Variants in ALPK3 observed in about 807,000 individuals in gnomAD.
ALPK3 encodes alpha-protein kinase 3.
In ALPK3, 102 loss-of-function variants were observed where a neutral mutation model predicts 140.0. That is an observed-to-expected ratio of 0.73 (90% CI 0.62 to 0.86). The LOEUF (loss-of-function observed/expected upper bound fraction) is 0.86, where lower values mean the gene tolerates loss of function less well. Ranked by LOEUF, ALPK3 falls within the 40% of genes least tolerant of loss-of-function variation. ALPK3 has a pLI of 0.00. For synonymous variants in ALPK3, 938 were observed against 898.5 expected, an observed-to-expected ratio of 1.04 and a Z score of -0.79; for missense variants, 2,254 against 2,208.2, an observed-to-expected ratio of 1.02 and a Z score of -0.42.
intron 5 of ALPK3, among the ~76,000 whole-genome samples, chr15:84,847,916 G>C (rs1219423004): frequency 2.6e-5 from 4 of 152,020 alleles, no homozygotes; most frequent in African/African-American, 9.7e-5. Flanking sequence ...AAAAAAATTA[G>C]CCAGGGGTGG....
intron 2 of ALPK3, among the ~76,000 whole-genome samples, chr15:84,824,448 G>A (rs1963462611): frequency 6.6e-6 from 1 of 152,240 alleles, no homozygotes; most frequent in South Asian, 2.1e-4. Context: ...GTTTTGGGGA[G>A]AGCTAGCTAC....
rs1376042277 is a variant in ALPK3 at position 84,869,378 on chromosome 15, T to A, written c.*922T>A. On this transcript the variant is annotated 3_prime_UTR_variant, in exon 14 of 14. Coordinates refer to ENST00000258888, the MANE Select transcript of ALPK3 (RefSeq NM_020778.5). ...GTCAGCAGCTGTAGCCAGAGAGAGGTGTTGACTCTGAGAGACCTTGCACTC... is the reference window on the plus strand; with the variant it reads ...GTCAGCAGCTGTAGCCAGAGAGAGGAGTTGACTCTGAGAGACCTTGCACTC... 4 of 152,094 alleles carry A rather than the reference T, an allele frequency of 2.6e-5. No homozygotes were observed. The highest frequency in any genetic ancestry group is 4.4e-5 in the Non-Finnish European group (3 of 68,040). The allele number at this position is 152,094 out of a possible 1,614,324, so 9.4% of individuals were successfully genotyped here.
At chr15:84,844,522 A>C (rs1963706633) in intron 5 of ALPK3, among the ~76,000 whole-genome samples, 1 of 152,222 alleles carries the variant, frequency 6.6e-6, no homozygotes, top group Non-Finnish European at 1.5e-5. Flanking sequence ...AGGAGATAAG[A>C]AGACAAGATT....
Position 84,840,847 on chromosome 15 carries a change from A to C in ALPK3, c.1568A>C (p.Gln523Pro). Residue 523 changes from glutamine (Q) to proline (P), a missense_variant, in exon 5 of 14, where the codon CAG (glutamine) becomes CCG (proline). Transcript: ENST00000258888. ...LGKAPPQASV[Q>P]VPTPPARRRH... ...AAGGCCCCACCTCAGGCCTCTGTGC[A>C]GGTGCCGACGCCCCCTGCCCGGCGG... 1 of 1,614,168 alleles carries C rather than the reference A, an allele frequency of 6.2e-7. No homozygotes were observed.
At chr15:84,835,942 G>C (rs916883200) in intron 3 of ALPK3, among the ~76,000 whole-genome samples, 4 of 152,234 alleles carry the variant, frequency 2.6e-5, no homozygotes, top group East Asian at 1.9e-4. Context: ...ATAAGTCCCT[G>C]CTGTCATGGA....
chr15:84,867,513 G>A, intron 13 of ALPK3, 148 bp downstream of exon 13: 1 of 869,354 alleles, frequency 1.2e-6, no homozygotes, highest in East Asian at 2.6e-5. Flanking sequence ...AACATCCTAG[G>A]GGCTACTGGT....
intron 5 of ALPK3, among the ~76,000 whole-genome samples, chr15:84,848,487 C>T (rs998259291): frequency 1.4e-4 from 21 of 150,938 alleles, no homozygotes; most frequent in African/African-American, 1.7e-4. Flanking sequence ...AATCACACTA[C>T]GTAAGTTAAA....
At chr15:84,832,985 C>A (rs753190444) in intron 3 of ALPK3, among the ~76,000 whole-genome samples, 2 of 152,178 alleles carry the variant, frequency 1.3e-5, no homozygotes, top group Non-Finnish European at 2.9e-5. Flanking sequence ...TTATCAAATA[C>A]TCCCAGTGTC....
In ALPK3 at chr15:84,869,003, A is replaced by G. The variant is rs1439602076; in HGVS notation, c.*547A>G. 2 of 158,798 alleles carry G rather than the reference A, an allele frequency of 1.3e-5. No individual in the cohort carries two copies. Among genetic ancestry groups the G allele is most frequent in the Non-Finnish European group, 2.8e-5 (2 of 71,436 alleles). 9.8% of individuals were successfully genotyped at this position (158,798 alleles called of 1,614,324 possible). On this transcript the variant is annotated 3_prime_UTR_variant, in exon 14 of 14. Coordinates refer to ENST00000258888, the MANE Select transcript of ALPK3 (RefSeq NM_020778.5). ...GCTCACTGATCTCAGCTTATCCTGC[A>G]ACTAACCATCCTTGAGCCCAGATGG...
At chr15:84,847,487 T>C (rs1963746095) in intron 5 of ALPK3, among the ~76,000 whole-genome samples, 1 of 152,062 alleles carries the variant, frequency 6.6e-6, no homozygotes, top group African/African-American at 2.4e-5. Context: ...AGCCAAACTG[T>C]TGGAAAGTAA....
At chr15:84,854,118 T>G (rs189341335) in intron 5 of ALPK3, among the ~76,000 whole-genome samples, 1 of 152,108 alleles carries the variant, frequency 6.6e-6, no homozygotes, top group Admixed American at 6.5e-5. Context: ...TCTTTCATTT[T>G]GTGATCTTAT....
intron 12 of ALPK3, among the ~76,000 whole-genome samples, chr15:84,866,789 TCTTTTGTC>T (rs1447310934): frequency 1.3e-5 from 2 of 152,172 alleles, no homozygotes; most frequent in African/African-American, 2.4e-5. Context: ...CCCATCCCTC[TCTTTTGTC>T]TGGACAGACT....
intron 5 of ALPK3, among the ~76,000 whole-genome samples, chr15:84,843,110 G>T (rs544867975): frequency 1.3e-5 from 2 of 152,350 alleles, no homozygotes; most frequent in South Asian, 4.1e-4. Context: ...AAGGTAGGAG[G>T]AGGGGCTCAG....
At chr15:84,842,164 G>C (rs1963673885) in intron 5 of ALPK3, among the ~76,000 whole-genome samples, 1 of 152,234 alleles carries the variant, frequency 6.6e-6, no homozygotes, top group African/African-American at 2.4e-5. Context: ...CTCCAAAGTA[G>C]TTGGAATTAC....
chr15:84,838,145 T>C (rs1963616007), intron 3 of ALPK3, among the ~76,000 whole-genome samples: 1 of 151,360 alleles, frequency 6.6e-6, no homozygotes, highest in South Asian at 2.1e-4. Flanking sequence ...TGTGGACAGA[T>C]GGATAATAGG....
chr15:84,842,030 G>T (rs1963672628), intron 5 of ALPK3, among the ~76,000 whole-genome samples: 1 of 152,050 alleles, frequency 6.6e-6, no homozygotes, highest in African/African-American at 2.4e-5. Context: ...TCTTTCTTTG[G>T]TTTGTTTATT....
Position 84,827,597 on chromosome 15 carries a change from T to C in ALPK3, c.296T>C (p.Ile99Thr). The change falls in exon 3 of 14, where the codon ATC becomes ACC. Residue 99 changes from isoleucine (I) to threonine (T), a missense_variant. Around this residue, in one of 3 missense-constraint regions of ALPK3, gnomAD observed 2,088 missense variants for 2,022.9 expected, o/e 1.03. Coordinates refer to ENST00000258888, the MANE Select transcript of ALPK3 (RefSeq NM_020778.5). ...GACAGCGACGTCAGGTTCACCTGCA[T>C]CGTCACAGGTAAGGATGCTGTCTGT... is the stretch of plus-strand genomic sequence containing the variant. ...SEDSDVRFTC[I>T]VTGYPEPEVT... 1 of 1,614,096 alleles carries C rather than the reference T, an allele frequency of 6.2e-7. No individual in the cohort carries two copies. Among genetic ancestry groups the C allele is most frequent in the East Asian group, 2.2e-5 (1 of 44,888 alleles).
rs750622312 is a variant in ALPK3, at chr15:84,839,966, GGCTCAAGC to G, written c.690_697del (p.Gln231GlyfsTer10). The G allele has an allele frequency of 1.2e-6, 2 of 1,613,068 alleles. No individual in the cohort carries two copies. Among genetic ancestry groups the G allele is most frequent in the Non-Finnish European group, 1.7e-6 (2 of 1,179,518 alleles). On this transcript the variant is annotated frameshift_variant, in exon 5 of 14. Transcript: ENST00000258888. LOFTEE classifies it high-confidence loss of function. ...TCCAGCGAAAGCGGCGATTGAGCGG[GGCTCAAGC>G]GCCGGGCCCCTCGGTCCCTACCAGG...
rs1288826096 is a variant in ALPK3, at chr15:84,856,999, A to G, written c.2261A>G (p.Glu754Gly). ...GGTCCTAGAGCTCCTCTGAATATTG[A>G]ATGTTTTGTACAGACCCCAGAAGGG... is the stretch of plus-strand genomic sequence containing the variant. ...TAGPRAPLNI[E>G]CFVQTPEGSC... is the part of the protein sequence containing the mutation. Residue 754 changes from glutamate (E) to glycine (G), a missense_variant, in exon 6 of 14, where the codon GAA becomes GGA. By Grantham distance (98) the Glu-to-Gly change is moderately conservative. Coordinates refer to ENST00000258888, the MANE Select transcript of ALPK3 (RefSeq NM_020778.5). 1 of 1,614,100 alleles carries G rather than the reference A, an allele frequency of 6.2e-7. No homozygotes were observed. The highest frequency in any genetic ancestry group is 8.5e-7 in the Non-Finnish European group (1 of 1,180,018).
Sources: gnomAD v4.1 joint callset for allele counts (sites outside exome capture counted in the v4.1 genomes callset) on GRCh38, gnomAD v4.1.1 for gene constraint, gnomAD v4.1.1 regional missense constraint, MANE v1.5 for transcripts, NCBI Gene and HGNC (gene_info 2026-07-23, HGNC 2026-07-21) for gene names.